The following PPFIA2 variants were observed in gnomAD, a reference collection of about 807,000 sequenced individuals.
PPFIA2 encodes PPFI scaffold protein A2, also known as liprin-alpha-2.
A neutral mutation model predicts 175.5 loss-of-function variants in PPFIA2; 46 were observed. The observed-to-expected ratio is 0.26, with a 90% CI of 0.21 to 0.34. PPFIA2 has a LOEUF of 0.34. Among genes scored for constraint, PPFIA2 ranks in the 10% least tolerant of loss-of-function variants. The probability of loss-of-function intolerance (pLI) is 1.00; values close to 1 mark genes in which losing one functional copy is unlikely to be tolerated. For synonymous variants in PPFIA2, 568 were observed against 511.4 expected, an observed-to-expected ratio of 1.11 and a Z score of -1.49; for missense variants, 1,179 against 1,506.1, an observed-to-expected ratio of 0.78 and a Z score of 3.60.
intron 15 of PPFIA2, among the ~76,000 whole-genome samples, chr12:81,361,893 G>A (rs775676366): frequency 8.6e-5 from 13 of 151,598 alleles, no homozygotes; most frequent in Middle Eastern, 6.8e-3. Context: ...CTAAATGAGT[G>A]TGTCCTTCTA....
At position 81,385,436 on chromosome 12, in the gene PPFIA2, G is replaced by T. The variant is rs137992682; in HGVS notation, c.763-1192C>A. 5.3e-4 allele frequency among the ~76,000 whole-genome samples: 81 copies of T among 152,256 alleles called. 1 individual carries two copies. Among genetic ancestry groups the T allele is most frequent in the African/African-American group, 1.9e-3 (80 of 41,580 alleles). Reference sequence around the variant, plus strand: ...ATGCAAAATTATTTACAATAGCCAAGAAACGGAATCAACCTAACTAAGTGT... The same window carrying T: ...ATGCAAAATTATTTACAATAGCCAATAAACGGAATCAACCTAACTAAGTGT... On this transcript the variant is annotated intron_variant, in intron 8 of 32. Coordinates refer to ENST00000549396, the MANE Select transcript of PPFIA2 (RefSeq NM_003625.5).
chr12:81,315,944 C>A (rs1041346581), intron 22 of PPFIA2, among the ~76,000 whole-genome samples: 2 of 151,594 alleles, frequency 1.3e-5, no homozygotes, highest in African/African-American at 4.8e-5. Context: ...TTTGAGACTA[C>A]TTAAAGGAGT....
chr12:81,432,450 G>A (rs17008557), intron 7 of PPFIA2, among the ~76,000 whole-genome samples: 51,543 of 150,196 alleles, frequency 0.34, 9,472 homozygotes, highest in East Asian at 0.53. Flanking sequence ...ACTGGCCTTC[G>A]GAGCAGAACT....
chr12:81,641,127 T>C (rs1398706860), intron 4 of PPFIA2, among the ~76,000 whole-genome samples: 3 of 152,190 alleles, frequency 2.0e-5, no homozygotes, highest in East Asian at 3.9e-4. Flanking sequence ...AAATCTTCTC[T>C]TCCAGCTATT....
Position 81,277,303 on chromosome 12 carries a change from G to T in PPFIA2, c.3310+14C>A. 1.3e-6 allele frequency: 2 copies of T among 1,522,902 alleles called. No individual in the cohort carries two copies. The highest frequency in any genetic ancestry group is 1.3e-5 in the South Asian group (1 of 78,120). 94.3% of individuals were successfully genotyped at this position (1,522,902 alleles called of 1,614,324 possible). A position where few individuals can be genotyped will look rare whatever the true frequency, so the allele number is the denominator to read the frequency against. On this transcript the variant is annotated intron_variant, in intron 28 of 32. Coordinates refer to ENST00000549396, the MANE Select transcript of PPFIA2 (RefSeq NM_003625.5). The stretch of plus-strand genomic sequence containing the variant: ...CAGAATAAAGGCATTTCATATGAAA[G>T]AAAGATATATTACCTTTTATTTCAT...
chr12:81,357,688 T>C (rs148573972), intron 16 of PPFIA2, among the ~76,000 whole-genome samples: 7 of 152,244 alleles, frequency 4.6e-5, no homozygotes, highest in African/African-American at 1.7e-4. Context: ...AGACTACATG[T>C]TTGGCAATGT....
At chr12:81,266,804 A>G in intron 30 of PPFIA2, 148 bp downstream of exon 30, 1 of 657,844 alleles carries the variant, frequency 1.5e-6, no homozygotes. Flanking sequence ...AAGATTGAAT[A>G]TTTAACAACA....
chr12:81,556,720 T>C (rs1279908147), intron 4 of PPFIA2, among the ~76,000 whole-genome samples: 1 of 151,848 alleles, frequency 6.6e-6, no homozygotes, highest in Non-Finnish European at 1.5e-5. Context: ...CAAAACTTTA[T>C]CAGTGATAAT....
At chr12:81,708,005 C>T (rs1444406078) in intron 3 of PPFIA2, among the ~76,000 whole-genome samples, 1 of 127,154 alleles carries the variant, frequency 7.9e-6, no homozygotes, top group East Asian at 2.3e-4. Context: ...GGGAACATCA[C>T]ACTCTGGGGA....
In PPFIA2 at chr12:81,692,109, GACACACAC is replaced by G. The variant is rs71098161; in HGVS notation, c.250-15273_250-15266del. ...ACACACACACACATACACAAACACA[GACACACAC>G]ACACACACACACACACAAAACCTGT... On this transcript the variant is annotated intron_variant, in intron 3 of 32. Coordinates refer to ENST00000549396, the MANE Select transcript of PPFIA2 (RefSeq NM_003625.5). 3.3e-3 allele frequency among the ~76,000 whole-genome samples: 496 copies of G among 149,410 alleles called. 2 individuals are homozygous for G. Among genetic ancestry groups the G allele is most frequent in the Non-Finnish European group, 5.7e-3 (385 of 67,428 alleles).
chr12:81,343,169 C>T lies in PPFIA2; in HGVS notation c.2262+1495G>A, dbSNP rs191574406. On this transcript the variant is annotated intron_variant, in intron 19 of 32. Coordinates refer to ENST00000549396, the MANE Select transcript of PPFIA2 (RefSeq NM_003625.5). ...AATGTAGTCTTTTGAAGTGTAAATA[C>T]CATCATTTATTTAACTCGTTCCCCG... Among the ~76,000 whole-genome samples the T allele has an allele frequency of 5.2e-4, 79 of 152,040 alleles. 1 individual carries two copies. Among genetic ancestry groups the T allele is most frequent in the African/African-American group, 1.9e-3 (78 of 41,480 alleles).
chr12:81,371,270 AAAATAT>A (rs199972136), intron 11 of PPFIA2, among the ~76,000 whole-genome samples: 146,431 of 146,574 alleles, frequency 1, 73,144 homozygotes, highest in Middle Eastern at 1. Context: ...ATATTATTTA[AAAATAT>A]ATTTTATTAA....
chr12:81,662,213 A>G (rs2069023308), intron 4 of PPFIA2, among the ~76,000 whole-genome samples: 2 of 152,186 alleles, frequency 1.3e-5, no homozygotes, highest in South Asian at 4.1e-4. Context: ...GCAGAACTGA[A>G]GGAGATAGAG....
chr12:81,460,755 A>T (rs1017905368), intron 4 of PPFIA2, among the ~76,000 whole-genome samples: 2 of 152,094 alleles, frequency 1.3e-5, no homozygotes, highest in Admixed American at 1.3e-4. Flanking sequence ...TTGATTGCAA[A>T]CTTACAGTAT....
At chr12:81,328,363 G>A (rs896639722) in intron 21 of PPFIA2, among the ~76,000 whole-genome samples, 1 of 152,232 alleles carries the variant, frequency 6.6e-6, no homozygotes, top group East Asian at 1.9e-4. Context: ...CTTGAAATGT[G>A]CCTAATTCAG....
intron 22 of PPFIA2, among the ~76,000 whole-genome samples, chr12:81,310,724 A>T (rs2050561376): frequency 6.6e-6 from 1 of 152,154 alleles, no homozygotes; most frequent in South Asian, 2.1e-4. Flanking sequence ...CTCTAAACAA[A>T]ACCTGCCTTG....
At chr12:81,368,480 T>C (rs938655932) in intron 13 of PPFIA2, among the ~76,000 whole-genome samples, 2 of 151,818 alleles carry the variant, frequency 1.3e-5, no homozygotes, top group Non-Finnish European at 2.9e-5. Flanking sequence ...CATATTTTAA[T>C]ACATTTGCCT....
At chr12:81,409,592 T>C (rs982837389) in intron 7 of PPFIA2, among the ~76,000 whole-genome samples, 1 of 152,094 alleles carries the variant, frequency 6.6e-6, no homozygotes, top group Non-Finnish European at 1.5e-5. Flanking sequence ...CAGATGCCAG[T>C]GTCATGCCTT....
At position 81,452,399 on chromosome 12, in the gene PPFIA2, G is replaced by A. The variant is rs183962000; in HGVS notation, c.405+5366C>T. 6.0e-3 allele frequency among the ~76,000 whole-genome samples: 920 copies of A among 152,188 alleles called. 6 individuals are homozygous for A. Among genetic ancestry groups the A allele is most frequent in the Non-Finnish European group, 9.7e-3 (661 of 67,998 alleles). ...TAGCATGACATTAACATCTGAAAAC[G>A]AAAACCTTTAAATTGGTTGCCTTCT... On this transcript the variant is annotated intron_variant, in intron 5 of 32. Coordinates refer to ENST00000549396, the MANE Select transcript of PPFIA2 (RefSeq NM_003625.5).
Sources: allele counts gnomAD v4.1 joint callset (sites outside exome capture counted in the v4.1 genomes callset), GRCh38; gene constraint gnomAD v4.1.1; transcripts MANE v1.5; gene names NCBI Gene and HGNC (gene_info 2026-07-23, HGNC 2026-07-21).